NOTCH1: variants seen among roughly 807,000 people sequenced by gnomAD.
NOTCH1 encodes the protein notch receptor 1.
Under a neutral mutation model 254.8 loss-of-function variants are expected in NOTCH1, and 37 were observed. The observed-to-expected ratio is 0.15, with a 90% CI of 0.11 to 0.19. NOTCH1 has a LOEUF of 0.19. Ranked by LOEUF, NOTCH1 falls within the 10% of genes least tolerant of loss-of-function variation. NOTCH1 has a pLI of 1.00. For missense variants in NOTCH1, 2,972 were observed against 3,708.6 expected (o/e 0.80, Z 5.16); for synonymous variants, 1,731 against 1,618.1 (o/e 1.07, Z -1.68).
At position 136,540,845 on chromosome 9, in the gene NOTCH1, G is replaced by A. The variant is rs1426369115; in HGVS notation, c.140+3179C>T. 6.6e-6 allele frequency among the ~76,000 whole-genome samples: 1 copy of A among 152,182 alleles called. No individual in the cohort carries two copies. Among genetic ancestry groups the A allele is most frequent in the Non-Finnish European group, 1.5e-5 (1 of 68,032 alleles). Reference sequence around the variant, plus strand: ...TGCCATTCTGACTCTGCCGTCAGCAGCCAACATCTTAGCTGCCCCCTGCCT... The same window carrying A: ...TGCCATTCTGACTCTGCCGTCAGCAACCAACATCTTAGCTGCCCCCTGCCT... On this transcript the variant is annotated intron_variant, in intron 2 of 33. Coordinates refer to ENST00000651671, the MANE Select transcript of NOTCH1 (RefSeq NM_017617.5). This position sits in a 1 kb window ranked among gnomAD's most constrained non-coding sequence, Gnocchi z 4.4.
In NOTCH1 at chr9:136,497,343, C is replaced by G. The variant is rs554843595; in HGVS notation, c.6396G>C (p.Thr2132=). 2.0e-4 allele frequency: 315 copies of G among 1,606,230 alleles called. No individual in the cohort carries two copies. The highest frequency in any genetic ancestry group is 1.1e-3 in the Admixed American group (67 of 59,948). ...AGCAGAGCGGGGGCGACAGGGTGGG[C>G]GTGCCCCCCAGCGGGGCTCCGTGCA... The part of the protein sequence containing the change: ...PQLHGAPLGG[T]PTLSPPLCSP... The change falls in exon 34 of 34, where the codon ACG becomes ACC. Residue 2132 remains threonine, a synonymous_variant. Transcript: ENST00000651671.
Position 136,514,667 on chromosome 9 carries a change from C to A in NOTCH1, c.2050G>T (p.Gly684Cys), listed in dbSNP as rs1269922164. The change falls in exon 13 of 34, where the codon GGC becomes TGC. Residue 684 changes from glycine to cysteine, a missense_variant. This residue lies in a region of NOTCH1 where 1,343 missense variants were observed against 1,557.0 expected (regional missense o/e 0.86). Coordinates refer to ENST00000651671, the MANE Select transcript of NOTCH1 (RefSeq NM_017617.5). ...MCNINIDECAGNPCHNGGTCE... is the reference protein window; with the variant it reads ...MCNINIDECACNPCHNGGTCE... ...GTGCCCCCGTTGTGGCAGGGGTTGCCCGCACACTCATCGATGTTGATGTTA... is the reference window on the plus strand; with the variant it reads ...GTGCCCCCGTTGTGGCAGGGGTTGCACGCACACTCATCGATGTTGATGTTA... 1.2e-6 allele frequency: 2 copies of A among 1,612,270 alleles called. No homozygotes were observed. Among genetic ancestry groups the A allele is most frequent in the Non-Finnish European group, 8.5e-7 (1 of 1,179,860 alleles).
chr9:136,534,142 G>A (rs918269268), intron 2 of NOTCH1, among the ~76,000 whole-genome samples: 3 of 152,114 alleles, frequency 2.0e-5, no homozygotes, highest in African/African-American at 4.8e-5. Flanking sequence ...TCTCAAACCC[G>A]GTGCATCCTG....
Position 136,501,854 on chromosome 9 carries a change from A to C in NOTCH1, c.5532T>G (p.Thr1844=). 6.2e-7 allele frequency: 1 copy of C among 1,612,664 alleles called. No homozygotes were observed. Among genetic ancestry groups the C allele is most frequent in the South Asian group, 1.1e-5 (1 of 91,084 alleles). The change falls in exon 30 of 34, where the codon ACT becomes ACG. Residue 1844 remains threonine, a synonymous_variant. Coordinates refer to ENST00000651671, the MANE Select transcript of NOTCH1 (RefSeq NM_017617.5). The part of the protein sequence containing the change: ...LDDQTDHRQW[T]QQHLDAADLR... ...GGTCAGCGGCATCCAGGTGCTGCTG[A>C]GTCCACTGCCGGTGGTCTGTCTGGT... is the stretch of plus-strand genomic sequence containing the variant.
rs1842917384 is a variant in NOTCH1 at position 136,496,520 on chromosome 9, T to C, written c.7219A>G (p.Ser2407Gly). Residue 2407 changes from serine to glycine, a missense_variant, in exon 34 of 34, where the codon AGC becomes GGC. Physicochemically the swap from Ser to Gly is moderately conservative, Grantham distance 56. Transcript: ENST00000651671. ...LQPANIQQQQ[S>G]LQPPPPPPQP... is the part of the protein sequence containing the mutation. ...GGTGGTGGTGGTGGCGGCTGCAGGC[T>C]TTGCTGCTGCTGGATGTTTGCTGGC... The C allele has an allele frequency of 1.2e-6, 2 of 1,604,932 alleles. No homozygotes were observed. The highest frequency in any genetic ancestry group is 1.7e-6 in the Non-Finnish European group (2 of 1,179,916).
intron 2 of NOTCH1, among the ~76,000 whole-genome samples, chr9:136,535,264 C>T (rs1843627503): frequency 6.6e-6 from 1 of 151,946 alleles, no homozygotes; most frequent in African/African-American, 2.4e-5. Flanking sequence ...GTTCACAAGG[C>T]CCCTTGGGGA....
rs892637022 is a variant in NOTCH1 at position 136,507,457 on chromosome 9, A to T, written c.3511-20T>A. 1 of 1,591,702 alleles carries T rather than the reference A, an allele frequency of 6.3e-7. No homozygotes were observed. Among genetic ancestry groups the T allele is most frequent in the Non-Finnish European group, 8.5e-7 (1 of 1,170,512 alleles). ...CACGCACTGTGCAGGCGACAGAACG[A>T]GGGGCCCTTCGGCTCAGCCGGCGCC... On this transcript the variant is annotated intron_variant, in intron 21 of 33. Transcript: ENST00000651671.
chr9:136,500,320 A>C (rs1842975893), intron 31 of NOTCH1, among the ~76,000 whole-genome samples: 2 of 152,200 alleles, frequency 1.3e-5, no homozygotes, highest in South Asian at 4.1e-4. Flanking sequence ...CAGATCCCCC[A>C]GGCCTCCTGC....
chr9:136,509,804 G>C lies in NOTCH1; in HGVS notation c.2898C>G (p.Ser966Arg), dbSNP rs1475254769. Residue 966 changes from serine (S) to arginine (R), a missense_variant, in exon 18 of 34, where the codon AGC (serine) becomes AGG (arginine). This residue lies in a region of NOTCH1 where 1,343 missense variants were observed against 1,557.0 expected (regional missense o/e 0.86). Coordinates refer to ENST00000651671, the MANE Select transcript of NOTCH1 (RefSeq NM_017617.5). ...NGANCTDCVD[S>R]YTCTCPAGFS... ...AGCCTGCGGGGCAGGTGCACGTGTAGCTGTCCACGCAGTCCGTGCAGTTGG... is the reference window on the plus strand; with the variant it reads ...AGCCTGCGGGGCAGGTGCACGTGTACCTGTCCACGCAGTCCGTGCAGTTGG... The C allele has an allele frequency of 7.4e-6, 12 of 1,613,046 alleles. No individual in the cohort carries two copies. Among genetic ancestry groups the C allele is most frequent in the Non-Finnish European group, 1.0e-5 (12 of 1,180,024 alleles).
rs1306212469 is a variant in NOTCH1 at position 136,532,275 on chromosome 9, TG to T, written c.141-8297del. On this transcript the variant is annotated intron_variant, in intron 2 of 33. Transcript: ENST00000651671. ...AAGTTGGGGATTCTTGGGCTGGACTTGGCAGGTCCTAAAACTTCTGCCCCTC... is the reference window on the plus strand; with the variant it reads ...AAGTTGGGGATTCTTGGGCTGGACTTGCAGGTCCTAAAACTTCTGCCCCTC... Among the ~76,000 whole-genome samples the T allele has an allele frequency of 3.9e-5, 6 of 152,296 alleles. No homozygotes were observed. In the East Asian group the frequency reaches 1.2e-3, roughly 29 times the overall value.
intron 4 of NOTCH1, 177 bp downstream of exon 4, chr9:136,522,673 C>G: frequency 1.6e-6 from 1 of 633,942 alleles, no homozygotes; most frequent in Admixed American, 3.1e-5. Context: ...GCGCACACCC[C>G]GCTCCAGACG....
chr9:136,509,846 G>A lies in NOTCH1; in HGVS notation c.2856C>T (p.Asp952=), dbSNP rs1038100835. The A allele has an allele frequency of 3.1e-6, 5 of 1,613,028 alleles. No homozygotes were observed. The African/African-American group carries it at 6.7e-5, about 22-fold the overall frequency. Residue 952 remains aspartate (D), a synonymous_variant, in exon 18 of 34, where the codon GAC becomes GAT. Transcript: ENST00000651671. ...TGCAGTTGGCCCCGTTGCGGCAGGG[G>A]TCACTGGCACACTCGTTGATGTCCT... is the stretch of plus-strand genomic sequence containing the variant. ...CEEDINECAS[D]PCRNGANCTD...
chr9:136,512,909 C>T (rs1267215847), intron 15 of NOTCH1, 112 bp downstream of exon 15: 4 of 410,196 alleles, frequency 9.8e-6, no homozygotes, highest in Non-Finnish European at 4.9e-6. Context: ...CCCAGGCCGC[C>T]CCCACCCCTG....
chr9:136,514,731 G>A (rs1589065652), intron 12 of NOTCH1, 29 bp from the exon 13 acceptor site: 12 of 1,603,358 alleles, frequency 7.5e-6, no homozygotes, highest in Non-Finnish European at 1.0e-5. Context: ...AGACTCCGAG[G>A]CCCAGCGCCC....
intron 2 of NOTCH1, among the ~76,000 whole-genome samples, chr9:136,539,387 T>C (rs965164098): frequency 2.6e-5 from 4 of 152,010 alleles, no homozygotes; most frequent in African/African-American, 9.7e-5. Flanking sequence ...GGGGTTTTTT[T>C]TGTTGTTTTT....
At chr9:136,531,434 C>A (rs922780439) in intron 2 of NOTCH1, among the ~76,000 whole-genome samples, 3 of 152,220 alleles carry the variant, frequency 2.0e-5, no homozygotes, top group Non-Finnish European at 4.4e-5. Flanking sequence ...GAGGAAGGCG[C>A]GTGTCCCCCG....
intron 2 of NOTCH1, among the ~76,000 whole-genome samples, chr9:136,530,092 C>T (rs1237793490): frequency 2.0e-5 from 3 of 152,194 alleles, no homozygotes; most frequent in East Asian, 1.9e-4. Context: ...CCCAAACAGC[C>T]GCCGCTCCGG....
rs969240299 is a variant in NOTCH1 at position 136,544,205 on chromosome 9, C to T, written c.62-103G>A. On this transcript the variant is annotated intron_variant, in intron 1 of 33. Transcript: ENST00000651671. Reference sequence around the variant, plus strand: ...GGACCTGCACCCAGCCAAGGGGCATCGTCCGCCCCCTACCCCGGACGCACT... The same window carrying T: ...GGACCTGCACCCAGCCAAGGGGCATTGTCCGCCCCCTACCCCGGACGCACT... The T allele has an allele frequency of 1.3e-4, 138 of 1,064,200 alleles. 2 individuals are homozygous for T. In the South Asian group the frequency reaches 1.8e-3, roughly 14 times the overall value. 65.9% of individuals were successfully genotyped at this position (1,064,200 alleles called of 1,614,324 possible).
At chr9:136,523,573 G>C in intron 3 of NOTCH1, 144 bp downstream of exon 3, 5 of 1,050,174 alleles carry the variant, frequency 4.8e-6, no homozygotes, top group South Asian at 1.5e-5. Flanking sequence ...GTCTGGGAGG[G>C]GGGCAGGGAC....
Sources: allele counts gnomAD v4.1 joint callset (sites outside exome capture counted in the v4.1 genomes callset), GRCh38; gene constraint gnomAD v4.1.1; regional missense constraint gnomAD v4.1.1; non-coding constraint Gnocchi (gnomAD v3.1); transcripts MANE v1.5; gene names NCBI Gene and HGNC (gene_info 2026-07-23, HGNC 2026-07-21).